Variants in SNRPN observed in about 807,000 individuals in gnomAD.
The protein encoded by SNRPN is small nuclear ribonucleoprotein-associated protein N.
Under a neutral mutation model 25.2 loss-of-function variants are expected in SNRPN, and 7 were observed. The ratio of observed to expected loss-of-function variants is 0.28; its 90% CI spans 0.16 to 0.52. SNRPN has a LOEUF of 0.52. Among genes scored for constraint, SNRPN ranks in the 20% least tolerant of loss-of-function variants. The pLI is 0.96. For synonymous variants in SNRPN, 124 were observed against 110.6 expected, an observed-to-expected ratio of 1.12 and a Z score of -0.76; for missense variants, 196 against 322.5, an observed-to-expected ratio of 0.61 and a Z score of 3.00.
chr15:24,944,694 C>A (rs922024977), intron 3 of SNRPN, among the ~76,000 whole-genome samples: 1 of 152,216 alleles, frequency 6.6e-6, no homozygotes, highest in East Asian at 1.9e-4. Flanking sequence ...CTCTTGCTAC[C>A]GAAATCTGTG....
intron 3 of SNRPN, among the ~76,000 whole-genome samples, chr15:24,945,366 A>AG (rs2061815941): frequency 6.7e-6 from 1 of 149,596 alleles, no homozygotes; most frequent in Admixed American, 6.7e-5. Flanking sequence ...AAAAAAAAAA[A>AG]GTACCACAGC....
At chr15:24,975,649 A>AC in intron 5 of SNRPN, 140 bp downstream of exon 5, 1 of 679,446 alleles carries the variant, frequency 1.5e-6, no homozygotes, top group Non-Finnish European at 2.5e-6. Context: ...TAACCTCTTG[A>AC]CCTGATCTCT....
At chr15:24,922,069 C>A (rs1005232385) in intron 3 of SNRPN, among the ~76,000 whole-genome samples, 96 of 148,800 alleles carry the variant, frequency 6.5e-4, no homozygotes, top group African/African-American at 2.1e-3. Context: ...AAAAATTAGC[C>A]GGGCACCGTG....
intron 2 of SNRPN, among the ~76,000 whole-genome samples, chr15:24,911,896 G>A (rs2059242525): frequency 6.6e-6 from 1 of 152,168 alleles, no homozygotes; most frequent in South Asian, 2.1e-4. Flanking sequence ...ATCCGGTAGT[G>A]CGTATTCCAA....
At chr15:24,970,124 C>T (rs1458574158) in intron 3 of SNRPN, among the ~76,000 whole-genome samples, 7 of 152,168 alleles carry the variant, frequency 4.6e-5, no homozygotes, top group East Asian at 3.9e-4. Context: ...TACATTACAG[C>T]GTAGACAATC....
At chr15:24,847,571 G>A (rs1374867311) in intron 2 of SNRPN, among the ~76,000 whole-genome samples, 1 of 152,126 alleles carries the variant, frequency 6.6e-6, no homozygotes, top group African/African-American at 2.4e-5. Flanking sequence ...CCTAGGAGGT[G>A]GAGGTTGTAG....
rs1349786672 is a variant in SNRPN at position 24,918,368 on chromosome 15, G to GTA, written c.-504-1634_-504-1633dup. ...TATATATATAACATTATATATATGT[G>GTA]TATATATATAACATAATATATATGT... is the stretch of plus-strand genomic sequence containing the variant. On this transcript the variant is annotated intron_variant, in intron 2 of 11. Coordinates refer to the SNRPN transcript ENST00000400097. 3.8e-5 allele frequency among the ~76,000 whole-genome samples: 3 copies of GTA among 79,220 alleles called. No homozygotes were observed. In the Admixed American group the frequency reaches 4.4e-4, roughly 11 times the overall value. 52.0% of individuals were successfully genotyped at this position (79,220 alleles called of 152,430 possible).
At chr15:24,967,803 G>C in intron 2 of SNRPN, 129 bp from the exon 3 acceptor site, 1 of 752,698 alleles carries the variant, frequency 1.3e-6, no homozygotes, top group East Asian at 3.0e-5. Context: ...ATGAGACCCT[G>C]TCTGGAAAAA....
chr15:24,838,486 C>A (rs1255648358), intron 2 of SNRPN, among the ~76,000 whole-genome samples: 1 of 152,084 alleles, frequency 6.6e-6, no homozygotes, highest in Non-Finnish European at 1.5e-5. Context: ...GAAATCCTAA[C>A]AAAGGCTTTA....
In SNRPN at chr15:24,918,974, TATAAC is replaced by T. The variant is rs1177198306; in HGVS notation, c.-504-1032_-504-1028del. Among the ~76,000 whole-genome samples, 20 of 127,340 alleles carry T rather than the reference TATAAC, an allele frequency of 1.6e-4. 1 individual carries two copies. Among genetic ancestry groups the T allele is most frequent in the African/African-American group, 6.2e-4 (20 of 32,230 alleles). 83.5% of individuals were successfully genotyped at this position (127,340 alleles called of 152,430 possible). On this transcript the variant is annotated intron_variant, in intron 2 of 11. Coordinates refer to the SNRPN transcript ENST00000400097. ...CATAATATATATGCGCGCATATATA[TATAAC>T]ATAATATATATGTGCGCATATATAT...
rs538035806 is a variant in SNRPN, at chr15:24,879,393, C to T, written c.-578-7123C>T. ...CGGTGGTTGCAGTGAGCCGAGATCCCGCCACTGCACTCTAGCCTGGAGGAC... is the reference window on the plus strand; with the variant it reads ...CGGTGGTTGCAGTGAGCCGAGATCCTGCCACTGCACTCTAGCCTGGAGGAC... On this transcript the variant is annotated intron_variant, in intron 1 of 11. Transcript: ENST00000400097. 6.8e-4 allele frequency among the ~76,000 whole-genome samples: 103 copies of T among 151,292 alleles called. 1 individual carries two copies. The highest frequency in any genetic ancestry group is 3.4e-3 in the Middle Eastern group (1 of 294).
At chr15:24,963,717 G>C (rs778322992) in intron 2 of SNRPN, among the ~76,000 whole-genome samples, 1 of 151,966 alleles carries the variant, frequency 6.6e-6, no homozygotes, top group Non-Finnish European at 1.5e-5. Context: ...AGTAGTTTGT[G>C]TGTCTTTTGT....
chr15:24,956,354 C>CGGGA lies in SNRPN; in HGVS notation c.-391+1295_-391+1296insAGGG, dbSNP rs1555404319. On this transcript the variant is annotated intron_variant, in intron 1 of 9. Coordinates refer to ENST00000390687, the MANE Select transcript of SNRPN (RefSeq NM_003097.6). Reference sequence around the variant, plus strand: ...GCTTAGATCTGCGCAAGCGCTTCAGCGGGGGGGTGGCCGCTTCCTCCCTGT... The same window carrying CGGGA: ...GCTTAGATCTGCGCAAGCGCTTCAGCGGGAGGGGGGGTGGCCGCTTCCTCCCTGT... Among the ~76,000 whole-genome samples, 21 of 138,158 alleles carry CGGGA rather than the reference C, an allele frequency of 1.5e-4. 2 individuals are homozygous for CGGGA. The highest frequency in any genetic ancestry group is 1.2e-3 in the Admixed American group (16 of 12,958). 90.6% of individuals were successfully genotyped at this position (138,158 alleles called of 152,430 possible). A position where few individuals can be genotyped will look rare whatever the true frequency, so the allele number is the denominator to read the frequency against.
chr15:24,901,508 CTT>C (rs913956189), intron 2 of SNRPN, among the ~76,000 whole-genome samples: 3 of 152,184 alleles, frequency 2.0e-5, no homozygotes, highest in Non-Finnish European at 4.4e-5. Flanking sequence ...GAAAAGAACA[CTT>C]GTTTGTATGA....
chr15:24,893,245 G>T (rs1387441362), intron 2 of SNRPN, among the ~76,000 whole-genome samples: 1 of 151,012 alleles, frequency 6.6e-6, no homozygotes, highest in Non-Finnish European at 1.5e-5. Flanking sequence ...AAACAGAAAA[G>T]AAGAAAAGAA....
intron 2 of SNRPN, among the ~76,000 whole-genome samples, chr15:24,908,559 C>G (rs4622493): frequency 0.054 from 8,216 of 151,182 alleles, 340 homozygotes; most frequent in East Asian, 0.14. Context: ...GGAGGAAAAG[C>G]CATCCTTGTT....
At chr15:24,847,078 C>A (rs984660060) in intron 2 of SNRPN, among the ~76,000 whole-genome samples, 16 of 152,094 alleles carry the variant, frequency 1.1e-4, no homozygotes, top group African/African-American at 3.6e-4. Flanking sequence ...GCGAAAGATA[C>A]AAAGTCAGAA....
intron 1 of SNRPN, among the ~76,000 whole-genome samples, chr15:24,824,190 A>T (rs1340669225): frequency 6.6e-6 from 1 of 152,108 alleles, no homozygotes; most frequent in African/African-American, 2.4e-5. Flanking sequence ...AAATTTACTT[A>T]CAATCGCAGG....
chr15:24,954,584 GGTT>G (rs2062538646), upstream of SNRPN, among the ~76,000 whole-genome samples: 1 of 152,180 alleles, frequency 6.6e-6, no homozygotes, highest in African/African-American at 2.4e-5. Context: ...CATTGATTGT[GGTT>G]ATGGCGCATT....
Sources: allele counts gnomAD v4.1 joint callset (sites outside exome capture counted in the v4.1 genomes callset), GRCh38; gene constraint gnomAD v4.1.1; transcripts MANE v1.5; gene names NCBI Gene and HGNC (gene_info 2026-07-23, HGNC 2026-07-21).